Variants in PCLO observed in about 807,000 individuals in gnomAD.
PCLO encodes the protein protein piccolo.
PCLO carries 82 observed loss-of-function variants against 427.5 expected under a neutral mutation model. The ratio of observed to expected loss-of-function variants is 0.19; its 90% CI spans 0.16 to 0.23. PCLO has a LOEUF of 0.23. PCLO is among the 10% of genes least tolerant of loss of function. The probability of loss-of-function intolerance (pLI) is 1.00; values close to 1 mark genes in which losing one functional copy is unlikely to be tolerated. For synonymous variants in PCLO, 2,357 were observed against 2,155.4 expected (o/e 1.09, Z -2.59); for missense variants, 6,239 against 6,115.9 (o/e 1.02, Z -0.67).
In PCLO at chr7:83,050,248, C is replaced by CA. The variant is rs1337613431; in HGVS notation, c.3301-83762dup. Reference sequence around the variant, plus strand: ...AAAAAAAAAAAAAAACACAAGCAAACAAAAAAAACTAGAAGTGCTTTTTAA... The same window carrying CA: ...AAAAAAAAAAAAAAACACAAGCAAACAAAAAAAAACTAGAAGTGCTTTTTAA... On this transcript the variant is annotated intron_variant, in intron 3 of 24. Coordinates refer to ENST00000333891, the MANE Select transcript of PCLO (RefSeq NM_033026.6). 4.3e-4 allele frequency among the ~76,000 whole-genome samples: 7 copies of CA among 16,190 alleles called. 1 individual carries two copies. Among genetic ancestry groups the CA allele is most frequent in the African/African-American group, 6.7e-4 (3 of 4,454 alleles). 10.6% of individuals were successfully genotyped at this position (16,190 alleles called of 152,430 possible). A position where few individuals can be genotyped will look rare whatever the true frequency, so the allele number is the denominator to read the frequency against.
intron 9 of PCLO, among the ~76,000 whole-genome samples, chr7:82,900,709 A>C (rs1459628479): frequency 6.6e-6 from 1 of 151,778 alleles, no homozygotes; most frequent in Non-Finnish European, 1.5e-5. Flanking sequence ...CCAGAAAAAA[A>C]ATAAATGGTG....
intron 6 of PCLO, among the ~76,000 whole-genome samples, chr7:82,924,773 T>C (rs1423252330): frequency 6.6e-6 from 1 of 151,892 alleles, no homozygotes; most frequent in African/African-American, 2.4e-5. Context: ...AATTTTAAAA[T>C]TCAAGAAACT....
chr7:82,937,808 T>C (rs1794992386), intron 6 of PCLO, among the ~76,000 whole-genome samples: 1 of 151,854 alleles, frequency 6.6e-6, no homozygotes, highest in Non-Finnish European at 1.5e-5. Flanking sequence ...ATTAAATATG[T>C]TGAAGGTGTG....
chr7:83,071,911 C>T lies in PCLO; in HGVS notation c.3300+62339G>A, dbSNP rs181744273. ...GAGTACAATTCTGCTTAAGATCTAT[C>T]TGAAATGTAGGAGGAGAGCTATAAA... On this transcript the variant is annotated intron_variant, in intron 3 of 24. Coordinates refer to ENST00000333891, the MANE Select transcript of PCLO (RefSeq NM_033026.6). Among the ~76,000 whole-genome samples the T allele has an allele frequency of 1.1e-3, 166 of 152,196 alleles. 1 individual carries two copies. The highest frequency in any genetic ancestry group is 3.8e-3 in the African/African-American group (156 of 41,542).
chr7:83,131,579 A>C (rs1017303948), intron 3 of PCLO, among the ~76,000 whole-genome samples: 1 of 152,164 alleles, frequency 6.6e-6, no homozygotes, highest in African/African-American at 2.4e-5. Flanking sequence ...CTTGTATTAG[A>C]GAGTTGGACA....
chr7:83,014,457 A>T (rs17157034), intron 3 of PCLO, among the ~76,000 whole-genome samples: 2,802 of 152,270 alleles, frequency 0.018, 106 homozygotes, highest in African/African-American at 0.065. Flanking sequence ...TAACTATAAA[A>T]TCAATGCATA....
intron 10 of PCLO, among the ~76,000 whole-genome samples, chr7:82,848,332 A>G (rs2522839): frequency 0.36 from 42,725 of 119,446 alleles, 9,438 homozygotes; most frequent in East Asian, 0.7. Context: ...TTTTTTTTTA[A>G]ACAGGTCCCA....
chr7:83,137,934 A>G (rs1392566508), intron 2 of PCLO, among the ~76,000 whole-genome samples: 1 of 152,078 alleles, frequency 6.6e-6, no homozygotes, highest in Non-Finnish European at 1.5e-5. Context: ...ATGTAAGAAA[A>G]TTTTCACTCC....
At chr7:83,083,841 T>C (rs1422675121) in intron 3 of PCLO, among the ~76,000 whole-genome samples, 29 of 152,184 alleles carry the variant, frequency 1.9e-4, no homozygotes, top group Admixed American at 1.9e-3. Flanking sequence ...GCGATGTATT[T>C]TCTTGATATA....
At chr7:82,827,534 A>G (rs767871407) in intron 17 of PCLO, among the ~76,000 whole-genome samples, 5 of 152,086 alleles carry the variant, frequency 3.3e-5, no homozygotes, top group African/African-American at 4.8e-5. Context: ...AAGTCAAAAT[A>G]TAGCCAGTTG....
At chr7:82,924,013 T>C (rs1794655803) in intron 6 of PCLO, among the ~76,000 whole-genome samples, 1 of 152,068 alleles carries the variant, frequency 6.6e-6, no homozygotes, top group South Asian at 2.1e-4. Flanking sequence ...CAGACCTTGC[T>C]GAAAGACACT....
At chr7:83,023,454 A>C (rs2116073567) in intron 3 of PCLO, among the ~76,000 whole-genome samples, 1 of 152,334 alleles carries the variant, frequency 6.6e-6, no homozygotes, top group Admixed American at 6.5e-5. Flanking sequence ...CTCCCATCTG[A>C]AATCTGATGT....
At chr7:83,041,280 T>C (rs1241992938) in intron 3 of PCLO, among the ~76,000 whole-genome samples, 1 of 152,122 alleles carries the variant, frequency 6.6e-6, no homozygotes, top group Non-Finnish European at 1.5e-5. Flanking sequence ...AAGTATATAT[T>C]GTACAGAAAA....
intron 10 of PCLO, among the ~76,000 whole-genome samples, chr7:82,871,487 T>C (rs1433138509): frequency 2.0e-5 from 3 of 151,784 alleles, no homozygotes; most frequent in African/African-American, 7.2e-5. Flanking sequence ...GAGGGATTGT[T>C]TAATGAGACA....
chr7:83,050,747 T>TAAA (rs71522639), intron 3 of PCLO, among the ~76,000 whole-genome samples: 7 of 141,530 alleles, frequency 4.9e-5, no homozygotes, highest in Admixed American at 7.1e-5. Flanking sequence ...TACTAAAAAT[T>TAAA]AAAAAAAAAA....
At chr7:82,790,003 G>C (rs1414532698) in intron 22 of PCLO, among the ~76,000 whole-genome samples, 1 of 151,920 alleles carries the variant, frequency 6.6e-6, no homozygotes, top group Admixed American at 6.6e-5. Context: ...TGATGCTGGT[G>C]CCCGAAGCTG....
At chr7:82,992,391 G>C (rs1796398116) in intron 3 of PCLO, among the ~76,000 whole-genome samples, 1 of 152,062 alleles carries the variant, frequency 6.6e-6, no homozygotes, top group South Asian at 2.1e-4. Context: ...AAGATGAAAT[G>C]ATGACCAAAA....
At chr7:82,919,201 C>T (rs1427471914) in intron 6 of PCLO, among the ~76,000 whole-genome samples, 1 of 151,846 alleles carries the variant, frequency 6.6e-6, no homozygotes, top group African/African-American at 2.4e-5. Context: ...CAAACCTGCA[C>T]ATTCTGCACA....
intron 3 of PCLO, among the ~76,000 whole-genome samples, chr7:83,038,031 T>TATA (rs1562932995): frequency 1.2e-3 from 21 of 17,238 alleles, no homozygotes; most frequent in Non-Finnish European, 1.5e-3. Flanking sequence ...ATATATATAT[T>TATA]TATATATTTA....
Sources: allele counts gnomAD v4.1 joint callset (sites outside exome capture counted in the v4.1 genomes callset), GRCh38; gene constraint gnomAD v4.1.1; transcripts MANE v1.5; gene names NCBI Gene and HGNC (gene_info 2026-07-23, HGNC 2026-07-21).